The following ZNF175 variants were observed in gnomAD, a reference collection of about 807,000 sequenced individuals.
ZNF175 encodes zinc finger protein OTK18.
A neutral mutation model predicts 14.0 loss-of-function variants in ZNF175; 8 were observed. That is an observed-to-expected ratio of 0.57 (90% CI 0.34 to 1.03). The LOEUF (loss-of-function observed/expected upper bound fraction) is 1.03, where lower values mean the gene tolerates loss of function less well. Among genes scored for constraint, ZNF175 ranks in the 50% least tolerant of loss-of-function variants. The probability of loss-of-function intolerance (pLI) is 0.03; values close to 1 mark genes in which losing one functional copy is unlikely to be tolerated. For synonymous variants in ZNF175, 255 were observed against 296.8 expected, an observed-to-expected ratio of 0.86 and a Z score of 1.45; for missense variants, 764 against 849.5, an observed-to-expected ratio of 0.90 and a Z score of 1.25.
chr19:51,573,450 C>G, intron 2 of ZNF175, 49 bp downstream of exon 2: 1 of 1,591,696 alleles, frequency 6.3e-7, no homozygotes, highest in Non-Finnish European at 8.6e-7. Flanking sequence ...TGAGGGCAGA[C>G]ACAGGATGCA....
intron 2 of ZNF175, among the ~76,000 whole-genome samples, chr19:51,578,383 A>G (rs1008381952): frequency 7.9e-6 from 1 of 127,170 alleles, no homozygotes; most frequent in Non-Finnish European, 1.7e-5. Context: ...CTGGGCAACA[A>G]GAGTGAAACT....
At chr19:51,580,535 T>G (rs1041292752) in intron 2 of ZNF175, among the ~76,000 whole-genome samples, 1 of 152,220 alleles carries the variant, frequency 6.6e-6, no homozygotes, top group South Asian at 2.1e-4. Flanking sequence ...ATTAACCTAA[T>G]ATTAGTTATT....
At chr19:51,583,882 G>A (rs931175446) in intron 4 of ZNF175, among the ~76,000 whole-genome samples, 1 of 152,032 alleles carries the variant, frequency 6.6e-6, no homozygotes, top group Non-Finnish European at 1.5e-5. Flanking sequence ...TGATTACTTT[G>A]TACTTTCTTA....
At chr19:51,585,937 G>GA (rs896713566) in intron 4 of ZNF175, among the ~76,000 whole-genome samples, 7 of 151,478 alleles carry the variant, frequency 4.6e-5, no homozygotes, top group Non-Finnish European at 7.4e-5. Flanking sequence ...CTAAGTTCAA[G>GA]AAAAAAAAAT....
intron 2 of ZNF175, 98 bp from the exon 3 acceptor site, chr19:51,581,293 C>A: frequency 1.3e-6 from 2 of 1,557,292 alleles, no homozygotes; most frequent in Non-Finnish European, 1.8e-6. Context: ...TGTGATGGAT[C>A]GTGGTGAAAA....
At chr19:51,577,469 TAA>T (rs11397596) in intron 2 of ZNF175, among the ~76,000 whole-genome samples, 1 of 151,804 alleles carries the variant, frequency 6.6e-6, no homozygotes, top group African/African-American at 2.4e-5. Context: ...ATTACTGCCT[TAA>T]AAAATTTTTA....
At chr19:51,583,053 C>T (rs890520930) in intron 4 of ZNF175, among the ~76,000 whole-genome samples, 1 of 152,070 alleles carries the variant, frequency 6.6e-6, no homozygotes, top group Non-Finnish European at 1.5e-5. Flanking sequence ...CGGGGTTTCT[C>T]CTTGTTGGTC....
At chr19:51,583,981 T>C (rs1024509509) in intron 4 of ZNF175, among the ~76,000 whole-genome samples, 1 of 152,258 alleles carries the variant, frequency 6.6e-6, no homozygotes, top group Non-Finnish European at 1.5e-5. Flanking sequence ...CAGAAATTAC[T>C]GATTTTCTGA....
At chr19:51,579,880 A>T (rs368434328) in intron 2 of ZNF175, among the ~76,000 whole-genome samples, 5 of 152,154 alleles carry the variant, frequency 3.3e-5, no homozygotes, top group African/African-American at 1.2e-4. Context: ...GATGTGCTTG[A>T]AGTATAAAAT....
At chr19:51,577,737 C>T (rs910032623) in intron 2 of ZNF175, among the ~76,000 whole-genome samples, 26 of 147,010 alleles carry the variant, frequency 1.8e-4, no homozygotes, top group Non-Finnish European at 3.7e-4. Context: ...GATCTTGGCT[C>T]ACTGCAAGCT....
At chr19:51,581,663 C>G in intron 3 of ZNF175, 124 bp from the exon 4 acceptor site, 2 of 1,515,722 alleles carry the variant, frequency 1.3e-6, no homozygotes, top group Non-Finnish European at 1.8e-6. Context: ...TGGGCACCTT[C>G]TAGTATTATT....
chr19:51,587,103 A>C lies in ZNF175; in HGVS notation c.772A>C (p.Arg258=). ...GACATTTTGCAAAGGTAACCAGTGT[A>C]GAAAAGTCTGTGGCCATAAACAGTC... is the stretch of plus-strand genomic sequence containing the variant. ...GETFCKGNQC[R]KVCGHKQSLK... The change falls in exon 5 of 5, where the codon AGA becomes CGA. Residue 258 remains arginine, a synonymous_variant. Coordinates refer to ENST00000262259, the MANE Select transcript of ZNF175 (RefSeq NM_007147.4). 6.2e-7 allele frequency: 1 copy of C among 1,614,216 alleles called. No homozygotes were observed. The highest frequency in any genetic ancestry group is 8.5e-7 in the Non-Finnish European group (1 of 1,180,024).
intron 4 of ZNF175, among the ~76,000 whole-genome samples, chr19:51,583,155 A>C (rs747540162): frequency 2.0e-5 from 3 of 152,096 alleles, no homozygotes; most frequent in Non-Finnish European, 4.4e-5. Flanking sequence ...GTGCCCGGCT[A>C]TGGGCATCTT....
rs1248435458 is a variant in ZNF175, at chr19:51,590,517, T to C, written c.*2050T>C. 4.6e-5 allele frequency: 7 copies of C among 152,218 alleles called. No homozygotes were observed. The highest frequency in any genetic ancestry group is 2.6e-4 in the Admixed American group (4 of 15,280). The allele number at this position is 152,218 out of a possible 1,614,324, so 9.4% of individuals were successfully genotyped here. Reference sequence around the variant, plus strand: ...TGTTAGAGATGGGCACCCATGGCTTTAGTCTCCATACCCCTTCAAGGTTGA... The same window carrying C: ...TGTTAGAGATGGGCACCCATGGCTTCAGTCTCCATACCCCTTCAAGGTTGA... On this transcript the variant is annotated 3_prime_UTR_variant, in exon 5 of 5. Transcript: ENST00000262259.
intron 2 of ZNF175, 140 bp downstream of exon 2, chr19:51,573,541 C>A: frequency 1.4e-6 from 1 of 722,216 alleles, no homozygotes; most frequent in Non-Finnish European, 2.3e-6. Flanking sequence ...TTTCCACATT[C>A]ATAGGCTATC....
At chr19:51,581,326 A>T (rs914701409) in intron 2 of ZNF175, 65 bp from the exon 3 acceptor site, 4 of 1,612,636 alleles carry the variant, frequency 2.5e-6, no homozygotes, top group Non-Finnish European at 3.4e-6. Context: ...TGTTCCTCCT[A>T]TATGTGCCAT....
chr19:51,588,179 C>T lies in ZNF175; in HGVS notation c.1848C>T (p.Val616=), dbSNP rs757408080. ...QITHTRERPF[V]CYKCGKAFVQ... Reference sequence around the variant, plus strand: ...CTCACACTAGAGAGAGGCCTTTTGTCTGTTACAAATGTGGGAAGGCTTTTG... The same window carrying T: ...CTCACACTAGAGAGAGGCCTTTTGTTTGTTACAAATGTGGGAAGGCTTTTG... Residue 616 remains valine (V), a synonymous_variant, in exon 5 of 5, where the codon GTC becomes GTT. Coordinates refer to ENST00000262259, the MANE Select transcript of ZNF175 (RefSeq NM_007147.4). The T allele has an allele frequency of 6.2e-7, 1 of 1,613,810 alleles. No homozygotes were observed. The highest frequency in any genetic ancestry group is 1.3e-5 in the African/African-American group (1 of 74,834).
At position 51,581,393 on chromosome 19, in the gene ZNF175, A is replaced by C. The variant is rs1470876054; in HGVS notation, c.75A>C (p.Ala25=). ...TGAGCTGGGGTACACTGTTACAGGC[A>C]TCAGTGTCATTTGAGGACGTGACCG... ...GPEKQDGSCE[A]SVSFEDVTVD... is the part of the protein sequence containing the mutation. Residue 25 remains alanine, a splice_region_variant and synonymous_variant, in exon 3 of 5, where the codon GCA becomes GCC. Transcript: ENST00000262259. 6.2e-7 allele frequency: 1 copy of C among 1,614,186 alleles called. No homozygotes were observed. The highest frequency in any genetic ancestry group is 8.5e-7 in the Non-Finnish European group (1 of 1,180,030).
At chr19:51,577,819 A>G (rs377143074) in intron 2 of ZNF175, among the ~76,000 whole-genome samples, 2 of 151,678 alleles carry the variant, frequency 1.3e-5, no homozygotes, top group African/African-American at 2.4e-5. Flanking sequence ...GCCCGCCACC[A>G]CACCAAGCTA....
Sources: allele counts gnomAD v4.1 joint callset (sites outside exome capture counted in the v4.1 genomes callset), GRCh38; gene constraint gnomAD v4.1.1; transcripts MANE v1.5; gene names NCBI Gene and HGNC (gene_info 2026-07-23, HGNC 2026-07-21).